Variants in ZNF18 observed in about 807,000 individuals in gnomAD.
ZNF18 encodes heart development-specific gene 1 protein.
A neutral mutation model predicts 58.1 loss-of-function variants in ZNF18; 42 were observed. That is an observed-to-expected ratio of 0.72 (90% CI 0.56 to 0.93). ZNF18 has a LOEUF of 0.93. ZNF18 is among the 40% of genes least tolerant of loss of function. The probability of loss-of-function intolerance (pLI) is 0.00; values close to 1 mark genes in which losing one functional copy is unlikely to be tolerated. For synonymous variants in ZNF18, 231 were observed against 239.8 expected (o/e 0.96, Z 0.34); for missense variants, 540 against 644.2 (o/e 0.84, Z 1.75).
upstream of ZNF18, among the ~76,000 whole-genome samples, chr17:11,998,180 C>G (rs1293827399): frequency 1.3e-5 from 2 of 152,222 alleles, no homozygotes; most frequent in African/African-American, 2.4e-5. Flanking sequence ...CACCCTCTCT[C>G]CCTTCTCACT....
chr17:11,992,373 G>GA lies in ZNF18; in HGVS notation c.387+69dup, dbSNP rs1195236421. 4 of 1,530,954 alleles carry GA rather than the reference G, an allele frequency of 2.6e-6. No individual in the cohort carries two copies. The Admixed American group carries it at 8.4e-5, about 32-fold the overall frequency. The allele number at this position is 1,530,954 out of a possible 1,614,324, so 94.8% of individuals were successfully genotyped here. ...GTGTCATAAGTGGTATCAGAAAAAAGACAACACACCTGATGGGACCAGAGA... is the reference window on the plus strand; with the variant it reads ...GTGTCATAAGTGGTATCAGAAAAAAGAACAACACACCTGATGGGACCAGAGA... On this transcript the variant is annotated intron_variant, in intron 2 of 6. Coordinates refer to ENST00000580306, the MANE Select transcript of ZNF18 (RefSeq NM_001303281.2).
intron 4 of ZNF18, among the ~76,000 whole-genome samples, chr17:11,987,920 A>C (rs1029238776): frequency 2.6e-5 from 4 of 152,208 alleles, no homozygotes; most frequent in Non-Finnish European, 4.4e-5. Context: ...GGAGAGCTGA[A>C]GCTCAGACCC....
upstream of ZNF18, among the ~76,000 whole-genome samples, chr17:12,000,226 C>T (rs561350748): frequency 6.6e-5 from 10 of 152,156 alleles, no homozygotes; most frequent in Non-Finnish European, 1.0e-4. Flanking sequence ...CACCCATAAA[C>T]GTTTAGGCCA....
At position 11,984,308 on chromosome 17, in the gene ZNF18, C is replaced by A. The variant is rs1007661582; in HGVS notation, c.667-111G>T. The A allele has an allele frequency of 7.3e-5, 78 of 1,071,864 alleles. 1 individual carries two copies. The South Asian group carries it at 1.2e-3, about 17-fold the overall frequency. The allele number at this position is 1,071,864 out of a possible 1,614,324, so 66.4% of individuals were successfully genotyped here. A position where few individuals can be genotyped will look rare whatever the true frequency, so the allele number is the denominator to read the frequency against. On this transcript the variant is annotated intron_variant, in intron 4 of 6. Coordinates refer to ENST00000580306, the MANE Select transcript of ZNF18 (RefSeq NM_001303281.2). ...AGAAGACAGAAACGTGCCATAGGAT[C>A]CTGGCCATCGCAAGACCTGAGAAAT...
upstream of ZNF18, among the ~76,000 whole-genome samples, chr17:12,001,512 C>T (rs146104605): frequency 2.0e-5 from 3 of 152,096 alleles, no homozygotes; most frequent in East Asian, 5.8e-4. Flanking sequence ...GCCTGTAGTC[C>T]CAGCAACTCT....
Position 11,992,484 on chromosome 17 carries a change from C to A in ZNF18, c.346G>T (p.Val116Leu), listed in dbSNP as rs1567607338. Residue 116 changes from valine (V) to leucine (L), a missense_variant, in exon 2 of 7, where the codon GTG becomes TTG. By Grantham distance (32) the Val-to-Leu change is conservative. Coordinates refer to ENST00000580306, the MANE Select transcript of ZNF18 (RefSeq NM_001303281.2). ...PGSGEEAVTL[V>L]ESLKGDPQRL... The stretch of plus-strand genomic sequence containing the variant: ...TGGGGGTCCCCCTTCAAGCTTTCCA[C>A]AAGGGTCACTGCCTCTTCTCCACTT... 1 of 1,614,100 alleles carries A rather than the reference C, an allele frequency of 6.2e-7. No homozygotes were observed.
At chr17:12,005,509 C>A in the ZNF18 span, among the ~76,000 whole-genome samples, 2 of 152,090 alleles carry the variant, frequency 1.3e-5, no homozygotes, top group African/African-American at 4.8e-5. Context: ...GCTTAATTAC[C>A]AGATGGCATT....
the ZNF18 span, among the ~76,000 whole-genome samples, chr17:12,012,841 G>A: frequency 1.3e-5 from 2 of 151,964 alleles, no homozygotes; most frequent in South Asian, 2.1e-4. Flanking sequence ...GTGCCTGTCC[G>A]CATCTTCGCA....
Position 11,990,836 on chromosome 17 carries a change from G to T in ZNF18, c.577+138C>A, listed in dbSNP as rs528292746. 9.5e-6 allele frequency: 9 copies of T among 949,922 alleles called. No individual in the cohort carries two copies. The African/African-American group carries it at 1.5e-4, about 16-fold the overall frequency. 58.8% of individuals were successfully genotyped at this position (949,922 alleles called of 1,614,324 possible). The stretch of plus-strand genomic sequence containing the variant: ...AGACTTTGACTCTCCAAACAAGAGC[G>T]GTTTATTTAGGTCTAACCTGTTTGC... On this transcript the variant is annotated intron_variant, in intron 3 of 6. Transcript: ENST00000580306.
the ZNF18 span, among the ~76,000 whole-genome samples, chr17:12,012,500 G>A: frequency 1.3e-5 from 2 of 152,048 alleles, no homozygotes; most frequent in South Asian, 2.1e-4. Context: ...TGGGTTAAAG[G>A]GTATATACAT....
chr17:12,005,585 G>A, the ZNF18 span, among the ~76,000 whole-genome samples: 274 of 152,128 alleles, frequency 1.8e-3, no homozygotes, highest in Non-Finnish European at 2.3e-3. Context: ...GAGGTTTGGG[G>A]AGGTTTCTTT....
rs1968036710 is a variant in ZNF18 at position 11,990,479 on chromosome 17, G to A, written c.649C>T (p.Leu217Phe). The change falls in exon 4 of 7, where the codon CTC becomes TTC. Residue 217 changes from leucine to phenylalanine, a missense_variant. Physicochemically the swap from Leu to Phe is conservative, Grantham distance 22. Transcript: ENST00000580306. ...CAGCTCACCTGAGGTGCTGCTGGGA[G>A]CAGTGAGGCTCCGAGGTCCTGGTCT... ...IRDQDLGASL[L>F]PAAPQEQWRQ... 1 of 1,612,826 alleles carries A rather than the reference G, an allele frequency of 6.2e-7. No individual in the cohort carries two copies. The highest frequency in any genetic ancestry group is 8.5e-7 in the Non-Finnish European group (1 of 1,179,774).
chr17:11,986,515 T>C (rs1417648541), intron 4 of ZNF18, among the ~76,000 whole-genome samples: 1 of 152,234 alleles, frequency 6.6e-6, no homozygotes, highest in African/African-American at 2.4e-5. Flanking sequence ...CTCAATATAC[T>C]GAATTACACA....
At chr17:12,013,557 C>A in the ZNF18 span, among the ~76,000 whole-genome samples, 1 of 152,126 alleles carries the variant, frequency 6.6e-6, no homozygotes, top group Non-Finnish European at 1.5e-5. Flanking sequence ...TTTGAGATCT[C>A]ACCTTTAATT....
the ZNF18 span, among the ~76,000 whole-genome samples, chr17:12,015,790 T>C: frequency 2.6e-5 from 4 of 152,114 alleles, no homozygotes; most frequent in East Asian, 5.8e-4. Flanking sequence ...TTTATATTTG[T>C]ATTCCTTTTT....
At chr17:12,021,442 C>A in the ZNF18 span, 1 of 151,868 alleles carries the variant, frequency 6.6e-6, no homozygotes, top group Non-Finnish European at 1.5e-5. Context: ...GCGAAGACAG[C>A]GGCCCCGGCC....
chr17:11,998,842 T>G (rs1273449055), upstream of ZNF18, among the ~76,000 whole-genome samples: 218 of 148,080 alleles, frequency 1.5e-3, no homozygotes, highest in East Asian at 3.1e-3. Context: ...TTTTTTTTTT[T>G]TTTTTGTATT....
chr17:12,009,735 G>A, the ZNF18 span, among the ~76,000 whole-genome samples: 6 of 152,196 alleles, frequency 3.9e-5, no homozygotes, highest in African/African-American at 7.2e-5. Context: ...TTACAGGCGT[G>A]AGCCACCGCG....
chr17:12,003,412 C>G, the ZNF18 span, among the ~76,000 whole-genome samples: 1 of 151,042 alleles, frequency 6.6e-6, no homozygotes, highest in East Asian at 2.0e-4. Context: ...TGCACTCCAG[C>G]CCGGGTGACA....
Sources: allele counts gnomAD v4.1 joint callset (sites outside exome capture counted in the v4.1 genomes callset), GRCh38; gene constraint gnomAD v4.1.1; transcripts MANE v1.5; gene names NCBI Gene and HGNC (gene_info 2026-07-23, HGNC 2026-07-21).